Variants in ZYG11A observed in about 807,000 individuals in gnomAD.
ZYG11A encodes protein zyg-11 homolog A.
In ZYG11A, 62 loss-of-function variants were observed where a neutral mutation model predicts 77.2. The ratio of observed to expected loss-of-function variants is 0.80; its 90% CI spans 0.65 to 0.99. The LOEUF is 0.99. Among genes scored for constraint, ZYG11A ranks in the 50% least tolerant of loss-of-function variants. ZYG11A has a pLI of 0.00. For synonymous variants in ZYG11A, 315 were observed against 324.6 expected (o/e 0.97, Z 0.32); for missense variants, 828 against 896.8 (o/e 0.92, Z 0.98).
rs1431017474 is a variant in ZYG11A, at chr1:52,842,769, G to A, written c.-115G>A. The A allele has an allele frequency of 3.0e-6, 3 of 997,768 alleles. No individual in the cohort carries two copies. The highest frequency in any genetic ancestry group is 4.4e-6 in the Non-Finnish European group (3 of 683,862). The allele number at this position is 997,768 out of a possible 1,614,324, so 61.8% of individuals were successfully genotyped here. ...GCCGGCAGGGCGCGGCGCTAGCTCCGTGTGCCTCGCAGGCGTGGTGGGCGC... is the reference window on the plus strand; with the variant it reads ...GCCGGCAGGGCGCGGCGCTAGCTCCATGTGCCTCGCAGGCGTGGTGGGCGC... On this transcript the variant is annotated 5_prime_UTR_variant, in exon 1 of 14. The change creates a new upstream start codon in the 5' untranslated region. Transcript: ENST00000371528.
chr1:52,885,261 G>T (rs1197697042), intron 11 of ZYG11A, among the ~76,000 whole-genome samples: 1 of 150,038 alleles, frequency 6.7e-6, no homozygotes, highest in Non-Finnish European at 1.5e-5. Context: ...AGTACCTCAC[G>T]TGCCAAATTT....
rs544972436 is a variant in ZYG11A at position 52,869,964 on chromosome 1, A to ACCC, written c.1542+2194_1542+2196dup. Among the ~76,000 whole-genome samples the ACCC allele has an allele frequency of 2.6e-3, 134 of 51,442 alleles. 6 individuals are homozygous for ACCC. Among genetic ancestry groups the ACCC allele is most frequent in the African/African-American group, 5.8e-3 (125 of 21,404 alleles). 33.7% of individuals were successfully genotyped at this position (51,442 alleles called of 152,430 possible). ...GGGTGGCTGGCCGGGCGGGGGGCTG[A>ACCC]CCCCCCCCCACCCCCCTCCCGGGCG... is the stretch of plus-strand genomic sequence containing the variant. On this transcript the variant is annotated intron_variant, in intron 8 of 13. Coordinates refer to ENST00000371528, the MANE Select transcript of ZYG11A (RefSeq NM_001004339.3).
At chr1:52,871,400 T>G (rs1157083138) in intron 8 of ZYG11A, among the ~76,000 whole-genome samples, 4 of 152,208 alleles carry the variant, frequency 2.6e-5, no homozygotes. Flanking sequence ...TTTGCACTGT[T>G]TATGCTACCT....
chr1:52,870,755 G>T (rs1175552368), intron 8 of ZYG11A, among the ~76,000 whole-genome samples: 1 of 152,154 alleles, frequency 6.6e-6, no homozygotes, highest in East Asian at 1.9e-4. Context: ...CAGGCACTCG[G>T]CAGGCTGAGG....
chr1:52,847,121 C>CA (rs1645602239), intron 1 of ZYG11A, among the ~76,000 whole-genome samples: 1 of 152,012 alleles, frequency 6.6e-6, no homozygotes, highest in Non-Finnish European at 1.5e-5. Context: ...AGTGCGGTGG[C>CA]GTGATCTCGA....
At position 52,894,967 on chromosome 1, in the gene ZYG11A, T is replaced by G. The variant is rs932862186; in HGVS notation, c.*2010T>G. Reference sequence around the variant, plus strand: ...ACAACAATCCTCACGGGTAGGTGAGTTTTATTTTCCTCACTTAACAGATGA... The same window carrying G: ...ACAACAATCCTCACGGGTAGGTGAGGTTTATTTTCCTCACTTAACAGATGA... On this transcript the variant is annotated 3_prime_UTR_variant, in exon 14 of 14. Transcript: ENST00000371528. The G allele has an allele frequency of 6.6e-6, 1 of 152,122 alleles. No individual in the cohort carries two copies. Among genetic ancestry groups the G allele is most frequent in the Non-Finnish European group, 1.5e-5 (1 of 68,030 alleles). 9.4% of individuals were successfully genotyped at this position (152,122 alleles called of 1,614,324 possible). A position where few individuals can be genotyped will look rare whatever the true frequency, so the allele number is the denominator to read the frequency against.
intron 1 of ZYG11A, 106 bp downstream of exon 1, chr1:52,843,079 T>A: frequency 1.0e-6 from 1 of 998,022 alleles, no homozygotes; most frequent in Non-Finnish European, 1.4e-6. Context: ...CTGGGGAGTG[T>A]GGCCCGCGCG....
At chr1:52,892,691 G>C in intron 13 of ZYG11A, 91 bp from the exon 14 acceptor site, 1 of 1,131,356 alleles carries the variant, frequency 8.8e-7, no homozygotes, top group Non-Finnish European at 1.3e-6. Flanking sequence ...TTAAACCTTT[G>C]TATTGTTTCT....
intron 8 of ZYG11A, among the ~76,000 whole-genome samples, chr1:52,875,782 A>G (rs978158449): frequency 1.3e-5 from 2 of 150,940 alleles, no homozygotes; most frequent in South Asian, 2.1e-4. Flanking sequence ...GCAGAAGGGA[A>G]GGCAGAGTAT....
chr1:52,859,258 T>A (rs1047419397), intron 3 of ZYG11A, among the ~76,000 whole-genome samples: 2 of 151,284 alleles, frequency 1.3e-5, no homozygotes, highest in African/African-American at 4.9e-5. Flanking sequence ...AAGGATTATC[T>A]CTTCCCCCCT....
chr1:52,893,247 C>A lies in ZYG11A; in HGVS notation c.*290C>A. 1 of 287,394 alleles carries A rather than the reference C, an allele frequency of 3.5e-6. No homozygotes were observed. The highest frequency in any genetic ancestry group is 6.5e-6 in the Non-Finnish European group (1 of 152,852). 17.8% of individuals were successfully genotyped at this position (287,394 alleles called of 1,614,324 possible). A position where few individuals can be genotyped will look rare whatever the true frequency, so the allele number is the denominator to read the frequency against. On this transcript the variant is annotated 3_prime_UTR_variant, in exon 14 of 14. Transcript: ENST00000371528. ...AGCTATGCAAGTTACTTTTCTCTAGCCTTGGACAATTTTTTCCCTTTGGGA... is the reference window on the plus strand; with the variant it reads ...AGCTATGCAAGTTACTTTTCTCTAGACTTGGACAATTTTTTCCCTTTGGGA...
At chr1:52,844,459 C>T (rs138417953) in intron 1 of ZYG11A, among the ~76,000 whole-genome samples, 89 of 152,232 alleles carry the variant, frequency 5.8e-4, no homozygotes, top group African/African-American at 2.1e-3. Flanking sequence ...TACTCACACC[C>T]ATTTTCTCTG....
In ZYG11A at chr1:52,893,048, G is replaced by C. The variant is rs1646572743; in HGVS notation, c.*91G>C. 1 of 1,186,632 alleles carries C rather than the reference G, an allele frequency of 8.4e-7. No individual in the cohort carries two copies. Among genetic ancestry groups the C allele is most frequent in the Non-Finnish European group, 1.2e-6 (1 of 857,704 alleles). The allele number at this position is 1,186,632 out of a possible 1,614,324, so 73.5% of individuals were successfully genotyped here. The stretch of plus-strand genomic sequence containing the variant: ...CACATCAGTTGTCATTGGAGTTTGT[G>C]AGTTGGCTGTCTCATTGGCCTTTGA... On this transcript the variant is annotated 3_prime_UTR_variant, in exon 14 of 14. Coordinates refer to ENST00000371528, the MANE Select transcript of ZYG11A (RefSeq NM_001004339.3).
At chr1:52,861,546 A>G (rs1645927312) in intron 4 of ZYG11A, among the ~76,000 whole-genome samples, 1 of 151,972 alleles carries the variant, frequency 6.6e-6, no homozygotes, top group African/African-American at 2.4e-5. Context: ...ACTAAAAACA[A>G]TACAAAAATT....
At chr1:52,848,756 A>G (rs1395503147) in intron 1 of ZYG11A, among the ~76,000 whole-genome samples, 1 of 152,138 alleles carries the variant, frequency 6.6e-6, no homozygotes, top group Non-Finnish European at 1.5e-5. Context: ...AGTCCCACCT[A>G]CTTGGGAGGC....
chr1:52,886,093 C>T (rs1356552639), intron 12 of ZYG11A, among the ~76,000 whole-genome samples, 199 bp downstream of exon 12: 3 of 152,034 alleles, frequency 2.0e-5, no homozygotes, highest in Admixed American at 6.6e-5. Context: ...CCACCATGCC[C>T]GGCTAATTTT....
At chr1:52,864,504 A>T (rs374940015) in intron 5 of ZYG11A, among the ~76,000 whole-genome samples, 23 of 152,228 alleles carry the variant, frequency 1.5e-4, no homozygotes, top group East Asian at 7.7e-4. Context: ...ACGGCAGACA[A>T]TTTGTGTTTT....
chr1:52,872,323 C>G (rs567113128), intron 8 of ZYG11A, among the ~76,000 whole-genome samples: 4 of 151,960 alleles, frequency 2.6e-5, no homozygotes, highest in Non-Finnish European at 5.9e-5. Context: ...AGTCTGGTCT[C>G]GAACTCCTGA....
intron 11 of ZYG11A, 36 bp downstream of exon 11, chr1:52,881,701 G>A: frequency 7.0e-7 from 1 of 1,437,864 alleles, no homozygotes; most frequent in South Asian, 1.4e-5. Context: ...AAAATCCAGA[G>A]TAATCTCTAA....
Sources: allele counts gnomAD v4.1 joint callset (sites outside exome capture counted in the v4.1 genomes callset), GRCh38; gene constraint gnomAD v4.1.1; transcripts MANE v1.5; gene names NCBI Gene and HGNC (gene_info 2026-07-23, HGNC 2026-07-21).